The following CDK19 variants were observed in gnomAD, a reference collection of about 807,000 sequenced individuals.
CDK19 encodes cyclin-dependent kinase 19.
A neutral mutation model predicts 68.3 loss-of-function variants in CDK19; 20 were observed. The ratio of observed to expected loss-of-function variants is 0.29; its 90% CI spans 0.21 to 0.43. The LOEUF is 0.43. Ranked by LOEUF, CDK19 falls within the 20% of genes least tolerant of loss-of-function variation. The probability of loss-of-function intolerance (pLI) is 1.00; values close to 1 mark genes in which losing one functional copy is unlikely to be tolerated. For synonymous variants in CDK19, 221 were observed against 222.8 expected (o/e 0.99, Z 0.07); for missense variants, 339 against 623.5 (o/e 0.54, Z 4.86).
intron 1 of CDK19, among the ~76,000 whole-genome samples, chr6:110,749,791 G>C (rs1207960841): frequency 7.6e-6 from 1 of 132,014 alleles, no homozygotes; most frequent in Admixed American, 7.5e-5. Flanking sequence ...TTTTTTTTTT[G>C]AGACAGAGTC....
chr6:110,631,284 C>T (rs534276617), intron 6 of CDK19, among the ~76,000 whole-genome samples: 2 of 152,314 alleles, frequency 1.3e-5, no homozygotes, highest in South Asian at 2.1e-4. Context: ...GTACTCTCCC[C>T]TACTCTCTCC....
At chr6:110,649,104 A>G (rs1050898260) in intron 4 of CDK19, among the ~76,000 whole-genome samples, 4 of 152,272 alleles carry the variant, frequency 2.6e-5, no homozygotes, top group Non-Finnish European at 5.9e-5. Flanking sequence ...AAAAAAATCA[A>G]TTCTCCCCAT....
intron 4 of CDK19, among the ~76,000 whole-genome samples, chr6:110,639,553 C>T (rs191179336): frequency 4.1e-4 from 62 of 152,216 alleles, no homozygotes; most frequent in African/African-American, 1.5e-3. Context: ...ACGCTTACTA[C>T]ATAAGTAGAA....
At chr6:110,622,250 T>G (rs1446401344) in intron 10 of CDK19, 84 bp from the exon 11 acceptor site, 4 of 954,828 alleles carry the variant, frequency 4.2e-6, no homozygotes, top group Admixed American at 2.0e-5. Flanking sequence ...TCCAATTTGT[T>G]TTTCTTCACT....
chr6:110,746,019 T>C, intron 2 of CDK19, 107 bp downstream of exon 2: 1 of 501,128 alleles, frequency 2.0e-6, no homozygotes, highest in South Asian at 3.8e-5. Flanking sequence ...TAAACTAACA[T>C]ATGTAAAATA....
chr6:110,619,235 A>G (rs1229173209), intron 12 of CDK19, among the ~76,000 whole-genome samples: 1 of 152,240 alleles, frequency 6.6e-6, no homozygotes, highest in African/African-American at 2.4e-5. Context: ...GGACATAGAA[A>G]AGCATTTCAA....
chr6:110,689,542 A>ATGTCAAT (rs1772793127), intron 2 of CDK19, among the ~76,000 whole-genome samples: 2 of 152,258 alleles, frequency 1.3e-5, no homozygotes, highest in Admixed American at 1.3e-4. Flanking sequence ...CATTGTGGCC[A>ATGTCAAT]GGAAGGAAAA....
intron 1 of CDK19, among the ~76,000 whole-genome samples, chr6:110,766,239 T>C (rs186873052): frequency 5.8e-4 from 89 of 152,270 alleles, no homozygotes; most frequent in Non-Finnish European, 1.0e-3. Flanking sequence ...AAATGTGGCA[T>C]ATATATAATG....
intron 2 of CDK19, among the ~76,000 whole-genome samples, chr6:110,679,587 G>A (rs1771834620): frequency 6.6e-6 from 1 of 152,092 alleles, no homozygotes; most frequent in Non-Finnish European, 1.5e-5. Context: ...ACTCCAGCCT[G>A]AGCAACAAGA....
chr6:110,633,183 C>T (rs1779553771), intron 5 of CDK19, among the ~76,000 whole-genome samples: 2 of 152,040 alleles, frequency 1.3e-5, no homozygotes, highest in Admixed American at 1.3e-4. Context: ...CGTGCCACTG[C>T]ACTCCAGCCT....
intron 5 of CDK19, among the ~76,000 whole-genome samples, chr6:110,633,987 C>T (rs1779601633): frequency 1.3e-5 from 2 of 152,162 alleles, no homozygotes; most frequent in African/African-American, 4.8e-5. Context: ...GGCAAAGTCA[C>T]AAGAATAAGC....
intron 2 of CDK19, among the ~76,000 whole-genome samples, chr6:110,730,717 T>C (rs1020249047): frequency 2.6e-5 from 4 of 152,198 alleles, no homozygotes; most frequent in Admixed American, 1.3e-4. Context: ...AGTGTCACCT[T>C]TGGACCAGCA....
At chr6:110,806,250 G>C (rs750722207) in intron 1 of CDK19, among the ~76,000 whole-genome samples, 26 of 146,616 alleles carry the variant, frequency 1.8e-4, no homozygotes, top group Non-Finnish European at 3.7e-4. Context: ...TGAGGCAGGA[G>C]AATCGCTTAA....
chr6:110,778,478 T>A (rs1190774842), intron 1 of CDK19, among the ~76,000 whole-genome samples: 1 of 152,146 alleles, frequency 6.6e-6, no homozygotes, highest in Non-Finnish European at 1.5e-5. Context: ...ACCACTGGAG[T>A]CCTCTAGGTT....
intron 1 of CDK19, among the ~76,000 whole-genome samples, chr6:110,771,667 T>C (rs540696526): frequency 6.6e-6 from 1 of 152,328 alleles, no homozygotes; most frequent in East Asian, 1.9e-4. Flanking sequence ...TTCTTTTCCA[T>C]AACATTGTCA....
chr6:110,645,951 C>G (rs1287618892), intron 4 of CDK19: 4 of 1,150,460 alleles, frequency 3.5e-6, no homozygotes, highest in African/African-American at 1.5e-5. Context: ...AGCCACCGAC[C>G]GCGAGGGCTT....
chr6:110,781,134 A>C (rs1780783287), intron 1 of CDK19, among the ~76,000 whole-genome samples: 1 of 152,184 alleles, frequency 6.6e-6, no homozygotes, highest in Admixed American at 6.5e-5. Flanking sequence ...TAATTTATAA[A>C]GAAAAGAATT....
At chr6:110,743,584 C>A (rs927949044) in intron 2 of CDK19, among the ~76,000 whole-genome samples, 1 of 151,962 alleles carries the variant, frequency 6.6e-6, no homozygotes, top group African/African-American at 2.4e-5. Context: ...GGAAATTGCA[C>A]TGAGCCAAGA....
chr6:110,755,884 A>T (rs1045105973), intron 1 of CDK19, among the ~76,000 whole-genome samples: 1 of 152,114 alleles, frequency 6.6e-6, no homozygotes, highest in Non-Finnish European at 1.5e-5. Flanking sequence ...AAGTTTGAGG[A>T]GGGTGGATGA....
Sources: gnomAD v4.1 joint callset for allele counts (sites outside exome capture counted in the v4.1 genomes callset) on GRCh38, gnomAD v4.1.1 for gene constraint, MANE v1.5 for transcripts, NCBI Gene and HGNC (gene_info 2026-07-23, HGNC 2026-07-21) for gene names.